Variants in PCSK5 observed in about 807,000 individuals in gnomAD.
PCSK5 encodes the protein proprotein convertase subtilisin/kexin type 5.
In PCSK5, 129 loss-of-function variants were observed where a neutral mutation model predicts 233.2. That is an observed-to-expected ratio of 0.55 (90% CI 0.48 to 0.64). The LOEUF is 0.64. Among genes scored for constraint, PCSK5 ranks in the 30% least tolerant of loss-of-function variants. The probability of loss-of-function intolerance (pLI) is 0.00; values close to 1 mark genes in which losing one functional copy is unlikely to be tolerated. For synonymous variants in PCSK5, 825 were observed against 879.2 expected, an observed-to-expected ratio of 0.94 and a Z score of 1.09; for missense variants, 2,076 against 2,430.1, an observed-to-expected ratio of 0.85 and a Z score of 3.06.
At chr9:76,258,331 A>T (rs1827050066) in intron 24 of PCSK5, among the ~76,000 whole-genome samples, 1 of 152,214 alleles carries the variant, frequency 6.6e-6, no homozygotes, top group Non-Finnish European at 1.5e-5. Flanking sequence ...GCTCCAGATT[A>T]CCATGACCCC....
At chr9:76,096,214 C>CAG (rs1554686137) in intron 8 of PCSK5, 112 bp downstream of exon 8, 9 of 677,724 alleles carry the variant, frequency 1.3e-5, no homozygotes, top group Non-Finnish European at 2.3e-5. Flanking sequence ...CACACACACA[C>CAG]AGAAGTAATA....
At chr9:76,191,697 C>CTA (rs1269740536) in intron 20 of PCSK5, among the ~76,000 whole-genome samples, 2 of 152,162 alleles carry the variant, frequency 1.3e-5, no homozygotes, top group Middle Eastern at 3.2e-3. Context: ...GCTGATTCTA[C>CTA]TATAGCACAC....
intron 7 of PCSK5, among the ~76,000 whole-genome samples, chr9:76,077,910 T>G (rs576229792): frequency 6.6e-6 from 1 of 152,372 alleles, no homozygotes; most frequent in South Asian, 2.1e-4. Flanking sequence ...TATTTGCTTT[T>G]GGATACATAC....
At chr9:75,936,611 C>T (rs1824067133) in intron 2 of PCSK5, among the ~76,000 whole-genome samples, 1 of 152,216 alleles carries the variant, frequency 6.6e-6, no homozygotes, top group African/African-American at 2.4e-5. Context: ...TCTTCAGGCT[C>T]CACTTCTAAT....
intron 30 of PCSK5, among the ~76,000 whole-genome samples, chr9:76,320,253 C>T (rs1041475586): frequency 1.3e-5 from 2 of 151,682 alleles, no homozygotes; most frequent in African/African-American, 2.4e-5. Context: ...GGTGAAACCC[C>T]GTATCTACTA....
At chr9:76,094,101 G>A (rs908384414) in intron 7 of PCSK5, among the ~76,000 whole-genome samples, 1 of 152,096 alleles carries the variant, frequency 6.6e-6, no homozygotes, top group African/African-American at 2.4e-5. Flanking sequence ...CAATTCCTGG[G>A]TAATTATAAA....
At chr9:76,205,618 G>A (rs1046307627) in intron 20 of PCSK5, among the ~76,000 whole-genome samples, 2 of 152,200 alleles carry the variant, frequency 1.3e-5, no homozygotes, top group African/African-American at 2.4e-5. Context: ...GTCTAACATT[G>A]AGAATTCCAG....
chr9:76,086,385 CA>C (rs1831063994), intron 7 of PCSK5, among the ~76,000 whole-genome samples: 1 of 152,124 alleles, frequency 6.6e-6, no homozygotes, highest in Admixed American at 6.5e-5. Flanking sequence ...GAGATGCCCC[CA>C]CAAAATGGGA....
At chr9:76,287,867 C>T (rs576444256) in intron 24 of PCSK5, 3 of 209,242 alleles carry the variant, frequency 1.4e-5, no homozygotes, top group South Asian at 9.1e-5. Context: ...TCTGCAGGTT[C>T]GACATACTTT....
At chr9:76,280,351 T>C (rs141758986) in intron 24 of PCSK5, among the ~76,000 whole-genome samples, 1 of 152,282 alleles carries the variant, frequency 6.6e-6, no homozygotes, top group African/African-American at 2.4e-5. Context: ...ACTTTTACAG[T>C]GGCATCTACA....
At chr9:76,188,947 CT>C in intron 18 of PCSK5, 146 bp from the exon 19 acceptor site, 1 of 752,706 alleles carries the variant, frequency 1.3e-6, no homozygotes. Flanking sequence ...ACTTTGAAGG[CT>C]TTTTTCCCAG....
intron 1 of PCSK5, among the ~76,000 whole-genome samples, chr9:75,912,794 G>A (rs570334669): frequency 2.6e-5 from 4 of 152,270 alleles, no homozygotes; most frequent in Middle Eastern, 3.4e-3. Context: ...TCAGCTTGCC[G>A]TAGTTTCAGT....
At chr9:76,181,336 G>A in intron 15 of PCSK5, 62 bp from the exon 16 acceptor site, 9 of 1,433,708 alleles carry the variant, frequency 6.3e-6, no homozygotes, top group Non-Finnish European at 8.6e-6. Flanking sequence ...GCACCTCCAA[G>A]AGAATGCTGG....
chr9:76,046,565 T>C (rs1399255554), intron 5 of PCSK5, among the ~76,000 whole-genome samples: 15 of 134,156 alleles, frequency 1.1e-4, no homozygotes, highest in Non-Finnish European at 1.4e-4. Flanking sequence ...TTTTCTTTTT[T>C]TTTTTTTTTT....
intron 2 of PCSK5, among the ~76,000 whole-genome samples, chr9:75,967,008 G>A (rs986647939): frequency 1.3e-5 from 2 of 152,138 alleles, no homozygotes; most frequent in African/African-American, 4.8e-5. Flanking sequence ...AGTCTTCAAG[G>A]GGGGAAGGAG....
intron 3 of PCSK5, among the ~76,000 whole-genome samples, chr9:76,000,949 A>G (rs974294379): frequency 1.3e-5 from 2 of 151,798 alleles, no homozygotes; most frequent in African/African-American, 4.8e-5. Flanking sequence ...TTTAGAGACC[A>G]CAATATGAGT....
intron 20 of PCSK5, among the ~76,000 whole-genome samples, chr9:76,209,709 G>A (rs1825261104): frequency 6.6e-6 from 1 of 151,862 alleles, no homozygotes; most frequent in South Asian, 2.1e-4. Context: ...AGAGCAACTA[G>A]TCCCTGTCAA....
intron 5 of PCSK5, among the ~76,000 whole-genome samples, chr9:76,063,483 G>A (rs1309365558): frequency 7.3e-5 from 7 of 96,296 alleles, no homozygotes; most frequent in East Asian, 2.7e-4. Context: ...GCGGCCTTCC[G>A]CAGTGTTTGT....
chr9:76,226,704 T>A (rs1340848084), intron 20 of PCSK5, among the ~76,000 whole-genome samples: 1 of 152,020 alleles, frequency 6.6e-6, no homozygotes, highest in Non-Finnish European at 1.5e-5. Flanking sequence ...AGCCTGTCAA[T>A]TTTTTTTAAG....
Sources: allele counts gnomAD v4.1 joint callset (sites outside exome capture counted in the v4.1 genomes callset), GRCh38; gene constraint gnomAD v4.1.1; transcripts MANE v1.5; gene names NCBI Gene and HGNC (gene_info 2026-07-23, HGNC 2026-07-21).